SLC6A6: variants seen among roughly 807,000 people sequenced by gnomAD.
SLC6A6 encodes solute carrier family 6 member 6.
A neutral mutation model predicts 68.8 loss-of-function variants in SLC6A6; 16 were observed. That is an observed-to-expected ratio of 0.23 (90% CI 0.16 to 0.35). SLC6A6 has a LOEUF of 0.35. Ranked by LOEUF, SLC6A6 falls within the 10% of genes least tolerant of loss-of-function variation. The probability of loss-of-function intolerance (pLI) is 1.00; values close to 1 mark genes in which losing one functional copy is unlikely to be tolerated. For missense variants in SLC6A6, 474 were observed against 802.8 expected, an observed-to-expected ratio of 0.59 and a Z score of 4.95; for synonymous variants, 312 against 315.4, an observed-to-expected ratio of 0.99 and a Z score of 0.12.
At chr3:14,451,160 T>G (rs1700243059) in intron 5 of SLC6A6, among the ~76,000 whole-genome samples, 1 of 152,232 alleles carries the variant, frequency 6.6e-6, no homozygotes, top group South Asian at 2.1e-4. Context: ...AACCCTCTCA[T>G]GGCTTTTCCC....
At chr3:14,425,518 C>T (rs529381079) in intron 2 of SLC6A6, among the ~76,000 whole-genome samples, 10 of 152,216 alleles carry the variant, frequency 6.6e-5, no homozygotes, top group East Asian at 1.9e-4. Flanking sequence ...TTAAAAAGGA[C>T]GGATTTCTTG....
intron 1 of SLC6A6, among the ~76,000 whole-genome samples, chr3:14,403,077 AGTGTGTGT>A (rs34547966): frequency 0.033 from 4,677 of 143,366 alleles, 146 homozygotes; most frequent in South Asian, 0.094. Flanking sequence ...GCGGCAGGAG[AGTGTGTGT>A]GTGTGTGTGT....
chr3:14,414,145 C>T (rs569683048), intron 1 of SLC6A6, among the ~76,000 whole-genome samples: 17 of 152,310 alleles, frequency 1.1e-4, no homozygotes, highest in East Asian at 3.9e-4. Context: ...CTCCCGGCTC[C>T]GGGTCTCTCT....
intron 6 of SLC6A6, among the ~76,000 whole-genome samples, chr3:14,458,521 A>C (rs1700421830): frequency 6.6e-6 from 1 of 152,254 alleles, no homozygotes; most frequent in Non-Finnish European, 1.5e-5. Context: ...TAGCCACAGC[A>C]TGGACCCTCG....
chr3:14,467,060 G>A (rs1486695495), intron 7 of SLC6A6, among the ~76,000 whole-genome samples: 1 of 152,228 alleles, frequency 6.6e-6, no homozygotes, highest in Admixed American at 6.5e-5. Flanking sequence ...GGCTGAGGGT[G>A]GAATTCAGAG....
intron 2 of SLC6A6, among the ~76,000 whole-genome samples, chr3:14,422,574 C>T (rs527675515): frequency 6.6e-6 from 1 of 152,082 alleles, no homozygotes; most frequent in African/African-American, 2.4e-5. Context: ...CCAGCTTGGC[C>T]GCTTAGTGGC....
intron 9 of SLC6A6, among the ~76,000 whole-genome samples, chr3:14,470,656 C>T (rs1700730917): frequency 6.6e-6 from 1 of 152,180 alleles, no homozygotes; most frequent in African/African-American, 2.4e-5. Flanking sequence ...CTCGATTCCT[C>T]ATTCAGTGTG....
rs1700043911 is a variant in SLC6A6, at chr3:14,443,691, G to A, written c.57G>A (p.Lys19=). 3 of 1,614,206 alleles carry A rather than the reference G, an allele frequency of 1.9e-6. No individual in the cohort carries two copies. The Middle Eastern group carries it at 4.9e-4, about 266-fold the overall frequency. Residue 19 remains lysine (K), a synonymous_variant, in exon 3 of 15, where the codon AAG becomes AAA. Transcript: ENST00000622186. ...CLKDFHKDIL[K]PSPGKSPGTR... is the part of the protein sequence containing the mutation. ...AAGATTTCCACAAGGACATCCTGAA[G>A]CCCTCACCAGGGAAGAGCCCAGGCA... is the stretch of plus-strand genomic sequence containing the variant.
At chr3:14,474,018 G>A (rs1168074005) in intron 10 of SLC6A6, among the ~76,000 whole-genome samples, 1 of 152,208 alleles carries the variant, frequency 6.6e-6, no homozygotes, top group Non-Finnish European at 1.5e-5. Context: ...GTGGCACACG[G>A]AGAGAATCTG....
intron 2 of SLC6A6, among the ~76,000 whole-genome samples, chr3:14,428,994 C>T (rs1266040361): frequency 1.3e-5 from 2 of 152,294 alleles, no homozygotes; most frequent in Non-Finnish European, 2.9e-5. Flanking sequence ...CTGTGCCCCT[C>T]GCCTGCTGCA....
intron 2 of SLC6A6, among the ~76,000 whole-genome samples, chr3:14,440,153 A>G (rs1172269507): frequency 6.6e-6 from 1 of 151,972 alleles, no homozygotes; most frequent in Non-Finnish European, 1.5e-5. Flanking sequence ...AACCCTCACA[A>G]CACTCCCACA....
intron 1 of SLC6A6, among the ~76,000 whole-genome samples, chr3:14,405,752 G>A (rs924587838): frequency 1.3e-5 from 2 of 152,234 alleles, no homozygotes; most frequent in Admixed American, 6.5e-5. Flanking sequence ...GAATGAGAGC[G>A]CTTTTTTAAT....
At chr3:14,471,927 G>T (rs562361588) in intron 9 of SLC6A6, among the ~76,000 whole-genome samples, 21 of 152,278 alleles carry the variant, frequency 1.4e-4, no homozygotes, top group Middle Eastern at 3.4e-3. Flanking sequence ...GGCTCAGTCT[G>T]CATCCTACCC....
chr3:14,460,277 A>T (rs1000291990), intron 6 of SLC6A6, among the ~76,000 whole-genome samples: 10 of 152,060 alleles, frequency 6.6e-5, no homozygotes, highest in Non-Finnish European at 1.3e-4. Flanking sequence ...GCCTGGCAGG[A>T]AGAGTCAGGT....
At chr3:14,423,929 G>A (rs971832835) in intron 2 of SLC6A6, among the ~76,000 whole-genome samples, 2 of 152,152 alleles carry the variant, frequency 1.3e-5, no homozygotes, top group Non-Finnish European at 1.5e-5. Context: ...CTGTGTGGCC[G>A]AGTCTGGAAG....
intron 2 of SLC6A6, among the ~76,000 whole-genome samples, chr3:14,425,889 C>T (rs963925279): frequency 1.3e-5 from 2 of 152,108 alleles, no homozygotes; most frequent in South Asian, 2.1e-4. Flanking sequence ...CCCTAGCCTG[C>T]GGGGTCAGTA....
At chr3:14,434,594 A>G (rs1281405416) in intron 2 of SLC6A6, among the ~76,000 whole-genome samples, 2 of 152,120 alleles carry the variant, frequency 1.3e-5, no homozygotes, top group Non-Finnish European at 2.9e-5. Context: ...AGGGGAAGTG[A>G]CTTGGCCTGC....
At chr3:14,431,246 G>A (rs1699718118) in intron 2 of SLC6A6, among the ~76,000 whole-genome samples, 1 of 152,132 alleles carries the variant, frequency 6.6e-6, no homozygotes, top group Non-Finnish European at 1.5e-5. Flanking sequence ...TTGCTCTGTC[G>A]CCCTCGTAGA....
In SLC6A6 at chr3:14,442,026, G is replaced by T. The variant is rs534110890; in HGVS notation, c.-11-1598G>T. Among the ~76,000 whole-genome samples, 5 of 152,364 alleles carry T rather than the reference G, an allele frequency of 3.3e-5. No individual in the cohort carries two copies. In the South Asian group the frequency reaches 1.0e-3, roughly 32 times the overall value. On this transcript the variant is annotated intron_variant, in intron 2 of 14. Transcript: ENST00000622186. ...TTCAGGTAGTGTTTGGTTCTCTGAT[G>T]AGAAGACAAACTCAGATGCCCACTG...
Sources: gnomAD v4.1 joint callset for allele counts (sites outside exome capture counted in the v4.1 genomes callset) on GRCh38, gnomAD v4.1.1 for gene constraint, MANE v1.5 for transcripts, NCBI Gene and HGNC (gene_info 2026-07-23, HGNC 2026-07-21) for gene names.